GLDC: variants seen among roughly 807,000 people sequenced by gnomAD.
GLDC encodes glycine decarboxylase.
Under a neutral mutation model 121.3 loss-of-function variants are expected in GLDC, and 104 were observed. The observed-to-expected ratio is 0.86, with a 90% CI of 0.73 to 1.01. The LOEUF (loss-of-function observed/expected upper bound fraction) is 1.01, where lower values mean the gene tolerates loss of function less well. GLDC is among the 50% of genes least tolerant of loss of function. The pLI is 0.00. For missense variants in GLDC, 1,429 were observed against 1,306.6 expected, an observed-to-expected ratio of 1.09 and a Z score of -1.44; for synonymous variants, 546 against 480.6, an observed-to-expected ratio of 1.14 and a Z score of -1.78.
intron 22 of GLDC, among the ~76,000 whole-genome samples, chr9:6,536,758 T>C (rs1048453665): frequency 2.0e-5 from 3 of 152,168 alleles, no homozygotes; most frequent in African/African-American, 7.2e-5. Context: ...GAAATAAAAA[T>C]ATTATAGCTT....
Position 6,610,227 on chromosome 9 carries a change from C to T in GLDC, c.600G>A (p.Gly200=), listed in dbSNP as rs1166507665. The T allele has an allele frequency of 6.2e-7, 1 of 1,613,540 alleles. No homozygotes were observed. Among genetic ancestry groups the T allele is most frequent in the Admixed American group, 1.7e-5 (1 of 59,954 alleles). Residue 200 remains glycine, a synonymous_variant, in exon 4 of 25, where the codon GGG becomes GGA. Coordinates refer to ENST00000321612, the MANE Select transcript of GLDC (RefSeq NM_000170.3). ...GCTGCAGTGCCTCTGCGGCTGCAGT[C>T]CCCTCATCCAGCAGGGATGCATTGG... ...DMANASLLDE[G]TAAAEALQLC...
intron 2 of GLDC, among the ~76,000 whole-genome samples, chr9:6,636,673 G>C (rs765592282): frequency 3.4e-4 from 51 of 152,138 alleles, no homozygotes; most frequent in Non-Finnish European, 6.3e-4. Flanking sequence ...CTGCTCAGGA[G>C]GCTGAAGTGC....
At chr9:6,606,235 G>C (rs113957561) in intron 5 of GLDC, 7 of 294,158 alleles carry the variant, frequency 2.4e-5, no homozygotes, top group African/African-American at 1.6e-4. Flanking sequence ...CGTGAACTTG[G>C]GAGGCGGAGC....
At chr9:6,588,545 G>A (rs1384025017) in intron 13 of GLDC, 73 bp downstream of exon 13, 1 of 1,438,998 alleles carries the variant, frequency 6.9e-7, no homozygotes, top group Non-Finnish European at 9.8e-7. Flanking sequence ...TGCTCTTGGA[G>A]CATATTAGGT....
intron 11 of GLDC, among the ~76,000 whole-genome samples, chr9:6,591,213 C>T (rs1818368634): frequency 6.6e-6 from 1 of 152,214 alleles, no homozygotes; most frequent in Admixed American, 6.5e-5. Context: ...CCTCTCCCAG[C>T]CTTTGTGACT....
chr9:6,572,478 G>C (rs768261015), intron 15 of GLDC, among the ~76,000 whole-genome samples: 2 of 152,156 alleles, frequency 1.3e-5, no homozygotes, highest in Non-Finnish European at 2.9e-5. Flanking sequence ...TCCCTCTTTT[G>C]TGTGAGTCTA....
In GLDC at chr9:6,570,854, CAA is replaced by C. The variant is rs34740127; in HGVS notation, c.1851-5427_1851-5426del. The stretch of plus-strand genomic sequence containing the variant: ...GCGCAACAAGAGCAAAACTCTGTCT[CAA>C]AAAAAAAAAAAAAAAAAGTTTCTCG... On this transcript the variant is annotated intron_variant, in intron 15 of 24. Coordinates refer to ENST00000321612, the MANE Select transcript of GLDC (RefSeq NM_000170.3). 3.5e-4 allele frequency among the ~76,000 whole-genome samples: 35 copies of C among 99,472 alleles called. No homozygotes were observed. The East Asian group carries it at 8.4e-3, about 24-fold the overall frequency. The allele number at this position is 99,472 out of a possible 152,430, so 65.3% of individuals were successfully genotyped here. A position where few individuals can be genotyped will look rare whatever the true frequency, so the allele number is the denominator to read the frequency against.
chr9:6,586,227 A>G (rs1027600068), intron 15 of GLDC, among the ~76,000 whole-genome samples: 1 of 152,144 alleles, frequency 6.6e-6, no homozygotes, highest in Non-Finnish European at 1.5e-5. Context: ...TGCAGGAGGC[A>G]GAGGTTGCGG....
chr9:6,620,704 A>C (rs1819074597), intron 2 of GLDC, among the ~76,000 whole-genome samples: 1 of 152,130 alleles, frequency 6.6e-6, no homozygotes, highest in South Asian at 2.1e-4. Context: ...TACCTTCTAA[A>C]CTGCCTCATA....
At chr9:6,596,871 C>A (rs1252809819) in intron 8 of GLDC, among the ~76,000 whole-genome samples, 1 of 152,186 alleles carries the variant, frequency 6.6e-6, no homozygotes, top group Non-Finnish European at 1.5e-5. Flanking sequence ...TATGACCCAG[C>A]AATTTCACTG....
intron 3 of GLDC, among the ~76,000 whole-genome samples, chr9:6,618,671 C>G (rs961434091): frequency 4.6e-5 from 7 of 152,122 alleles, no homozygotes; most frequent in South Asian, 2.1e-4. Flanking sequence ...TGGAAGTGGA[C>G]TAGAAGTATT....
intron 18 of GLDC, 64 bp downstream of exon 18, chr9:6,556,086 ATTT>A: frequency 1.8e-6 from 2 of 1,088,936 alleles, no homozygotes; most frequent in Non-Finnish European, 2.6e-6. Context: ...AGAAGTCAGA[ATTT>A]TTTTTTTTTT....
intron 9 of GLDC, among the ~76,000 whole-genome samples, chr9:6,593,297 CT>C (rs773281544): frequency 8.2e-4 from 114 of 138,298 alleles, no homozygotes; most frequent in Admixed American, 9.3e-4. Context: ...AAAATTATAC[CT>C]TTTTTTTTTT....
At chr9:6,625,872 T>C (rs1332874725) in intron 2 of GLDC, among the ~76,000 whole-genome samples, 1 of 148,820 alleles carries the variant, frequency 6.7e-6, no homozygotes, top group Non-Finnish European at 1.5e-5. Context: ...AGGGGAAGAG[T>C]AGGACCCAAG....
intron 2 of GLDC, among the ~76,000 whole-genome samples, chr9:6,627,156 T>C (rs1225447518): frequency 1.3e-5 from 2 of 151,528 alleles, no homozygotes; most frequent in East Asian, 3.9e-4. Flanking sequence ...ATTAGCCAGG[T>C]GTGTTGGCGG....
At chr9:6,584,531 G>C (rs1818229508) in intron 15 of GLDC, among the ~76,000 whole-genome samples, 2 of 151,858 alleles carry the variant, frequency 1.3e-5, no homozygotes, top group African/African-American at 4.8e-5. Flanking sequence ...AGCCAAAATA[G>C]GATTGAAACA....
chr9:6,555,333 C>G (rs908892687), intron 18 of GLDC, among the ~76,000 whole-genome samples: 20 of 152,166 alleles, frequency 1.3e-4, no homozygotes, highest in Non-Finnish European at 2.5e-4. Flanking sequence ...ATCCCACTAG[C>G]CTTCCCACCA....
At chr9:6,643,380 A>G (rs1443646512) in intron 2 of GLDC, among the ~76,000 whole-genome samples, 1 of 151,064 alleles carries the variant, frequency 6.6e-6, no homozygotes, top group Admixed American at 6.7e-5. Flanking sequence ...TCCATACCTC[A>G]AATGTCCACC....
At chr9:6,587,696 G>A (rs149924520) in intron 14 of GLDC, among the ~76,000 whole-genome samples, 41 of 152,258 alleles carry the variant, frequency 2.7e-4, no homozygotes, top group African/African-American at 8.4e-4. Flanking sequence ...AGGTACAGTG[G>A]TTCACACCTA....
Sources: gnomAD v4.1 joint callset for allele counts (sites outside exome capture counted in the v4.1 genomes callset) on GRCh38, gnomAD v4.1.1 for gene constraint, MANE v1.5 for transcripts, NCBI Gene and HGNC (gene_info 2026-07-23, HGNC 2026-07-21) for gene names.